RARB: variants seen among roughly 807,000 people sequenced by gnomAD.
RARB encodes retinoic acid receptor beta, also known as HBV-activated protein.
Under a neutral mutation model 51.9 loss-of-function variants are expected in RARB, and 17 were observed. That is an observed-to-expected ratio of 0.33 (90% CI 0.22 to 0.49). RARB has a LOEUF of 0.49. Ranked by LOEUF, RARB falls within the 20% of genes least tolerant of loss-of-function variation. The pLI, the probability that RARB is intolerant of heterozygous loss-of-function variation, is 0.99. For synonymous variants in RARB, 215 were observed against 195.4 expected, an observed-to-expected ratio of 1.10 and a Z score of -0.84; for missense variants, 369 against 550.8, an observed-to-expected ratio of 0.67 and a Z score of 3.30.
chr3:25,381,390 C>G (rs924229942), intron 5 of RARB, among the ~76,000 whole-genome samples: 3 of 152,174 alleles, frequency 2.0e-5, no homozygotes, highest in Non-Finnish European at 2.9e-5. Context: ...CGCACCAACC[C>G]TAGTGCACAC....
At chr3:25,304,103 A>G (rs1704102194) in intron 5 of RARB, among the ~76,000 whole-genome samples, 1 of 152,156 alleles carries the variant, frequency 6.6e-6, no homozygotes, top group South Asian at 2.1e-4. Flanking sequence ...TAAAACATAT[A>G]TGCACAGATT....
chr3:25,327,704 T>C (rs1704767100), intron 5 of RARB, among the ~76,000 whole-genome samples: 1 of 152,122 alleles, frequency 6.6e-6, no homozygotes, highest in South Asian at 2.1e-4. Flanking sequence ...AAATCAGAAA[T>C]GTAAAGCAAT....
At chr3:25,146,500 T>A (rs1201648092) in intron 4 of RARB, among the ~76,000 whole-genome samples, 1 of 88,312 alleles carries the variant, frequency 1.1e-5, no homozygotes, top group Non-Finnish European at 2.5e-5. Flanking sequence ...AAGTTTTTTG[T>A]TTGTTTGTTT....
Position 24,906,629 on chromosome 3 carries a change from G to A in RARB, c.-380+47877G>A, listed in dbSNP as rs187597152. ...AGGTTGAGGCGGGCAGATCACCTGA[G>A]GTCAGGAGCTCGAGACCAGCCTGGC... is the stretch of plus-strand genomic sequence containing the variant. On this transcript the variant is annotated intron_variant, in intron 2 of 11. Transcript: ENST00000383772. 9.2e-5 allele frequency among the ~76,000 whole-genome samples: 14 copies of A among 152,076 alleles called. No homozygotes were observed. In the East Asian group the frequency reaches 1.7e-3, roughly 19 times the overall value.
At chr3:25,306,273 A>G (rs919053207) in intron 5 of RARB, among the ~76,000 whole-genome samples, 2 of 152,158 alleles carry the variant, frequency 1.3e-5, no homozygotes, top group African/African-American at 4.8e-5. Context: ...TGAAAGGGAT[A>G]TAGGAGTTAT....
intron 5 of RARB, among the ~76,000 whole-genome samples, chr3:25,369,338 C>T (rs1326270834): frequency 1.3e-5 from 2 of 152,166 alleles, no homozygotes; most frequent in Non-Finnish European, 2.9e-5. Flanking sequence ...AACGGTCATC[C>T]ATTCTCAGAC....
intron 5 of RARB, among the ~76,000 whole-genome samples, chr3:25,195,344 GTA>G (rs969410003): frequency 6.6e-6 from 1 of 151,944 alleles, no homozygotes; most frequent in Non-Finnish European, 1.5e-5. Context: ...AGAAAGTTTC[GTA>G]TAGTTATTCA....
At chr3:25,123,761 C>T (rs747824332) in intron 3 of RARB, among the ~76,000 whole-genome samples, 3 of 152,158 alleles carry the variant, frequency 2.0e-5, no homozygotes, top group Non-Finnish European at 2.9e-5. Flanking sequence ...ATAGGCTTAG[C>T]GTTTGAAAAT....
At chr3:25,262,220 C>A (rs1237421819) in intron 5 of RARB, among the ~76,000 whole-genome samples, 1 of 152,114 alleles carries the variant, frequency 6.6e-6, no homozygotes, top group African/African-American at 2.4e-5. Context: ...CAAACCAGAA[C>A]CTGTGCCCAG....
At chr3:25,174,462 C>A (rs1168301879) in exon 5 of RARB, 3 of 1,352,008 alleles carry the variant, frequency 2.2e-6, no homozygotes, top group Middle Eastern at 2.1e-4. Context: ...CACTATCCAG[C>A]CACACCCTAC....
chr3:25,444,392 A>G (rs1708836114), intron 1 of RARB, among the ~76,000 whole-genome samples: 1 of 152,260 alleles, frequency 6.6e-6, no homozygotes, highest in African/African-American at 2.4e-5. Flanking sequence ...TTAACAAGTG[A>G]AAGCTGGAAA....
intron 2 of RARB, among the ~76,000 whole-genome samples, chr3:25,048,012 C>A (rs964006303): frequency 6.6e-6 from 1 of 152,208 alleles, no homozygotes; most frequent in East Asian, 1.9e-4. Flanking sequence ...TTCCCCTGCA[C>A]AAGCTCTCTC....
intron 5 of RARB, among the ~76,000 whole-genome samples, chr3:25,378,482 A>G (rs1706529874): frequency 6.6e-6 from 1 of 152,202 alleles, no homozygotes; most frequent in Admixed American, 6.5e-5. Context: ...TGCTTTCAAC[A>G]ACAACAAAAA....
chr3:25,286,798 A>G (rs149571071), intron 5 of RARB, among the ~76,000 whole-genome samples: 16 of 152,328 alleles, frequency 1.1e-4, no homozygotes, highest in African/African-American at 3.6e-4. Flanking sequence ...TTATTTTTAC[A>G]TTTCACAGAG....
chr3:25,323,996 A>C (rs1344075808), intron 5 of RARB, among the ~76,000 whole-genome samples: 1 of 152,136 alleles, frequency 6.6e-6, no homozygotes, highest in Admixed American at 6.5e-5. Flanking sequence ...TAAACAAACA[A>C]AGGTGACACT....
At chr3:25,307,932 C>G (rs1704192076) in intron 5 of RARB, among the ~76,000 whole-genome samples, 1 of 152,182 alleles carries the variant, frequency 6.6e-6, no homozygotes, top group Non-Finnish European at 1.5e-5. Flanking sequence ...ACTACAGCAT[C>G]AGGGTTGAGT....
At chr3:24,949,279 CAT>C (rs1164650780) in intron 2 of RARB, among the ~76,000 whole-genome samples, 1 of 152,214 alleles carries the variant, frequency 6.6e-6, no homozygotes, top group Non-Finnish European at 1.5e-5. Flanking sequence ...AACAGAAACA[CAT>C]ATCTTTCCTG....
intron 3 of RARB, among the ~76,000 whole-genome samples, chr3:25,506,561 A>T (rs1039464754): frequency 6.6e-6 from 1 of 152,104 alleles, no homozygotes; most frequent in African/African-American, 2.4e-5. Context: ...GGCTGCAATG[A>T]GCCATTTTCA....
intron 5 of RARB, among the ~76,000 whole-genome samples, chr3:25,422,502 G>A (rs551553993): frequency 6.6e-6 from 1 of 152,258 alleles, no homozygotes; most frequent in South Asian, 2.1e-4. Context: ...ATGGGACTGA[G>A]GTGGGGTGTT....
Sources: allele counts gnomAD v4.1 joint callset (sites outside exome capture counted in the v4.1 genomes callset), GRCh38; gene constraint gnomAD v4.1.1; transcripts MANE v1.5; gene names NCBI Gene and HGNC (gene_info 2026-07-23, HGNC 2026-07-21).